Variants in PLD5 observed in about 807,000 individuals in gnomAD.
PLD5 encodes phospholipase D family member 5, also known as inactive phospholipase D5.
A neutral mutation model predicts 61.1 loss-of-function variants in PLD5; 36 were observed. The observed-to-expected ratio is 0.59, with a 90% CI of 0.45 to 0.78. The LOEUF is 0.78. Among genes scored for constraint, PLD5 ranks in the 30% least tolerant of loss-of-function variants. The pLI is 0.00. For missense variants in PLD5, 515 were observed against 644.4 expected (o/e 0.80, Z 2.17); for synonymous variants, 243 against 242.8 (o/e 1.00, Z -0.01).
At chr1:242,210,047 G>A (rs894602401) in intron 5 of PLD5, among the ~76,000 whole-genome samples, 3 of 152,214 alleles carry the variant, frequency 2.0e-5, no homozygotes, top group South Asian at 2.1e-4. Flanking sequence ...TGCCCGCCTC[G>A]GCCTCCCAAA....
chr1:242,423,540 T>C (rs1318835166), intron 1 of PLD5, among the ~76,000 whole-genome samples: 2 of 152,086 alleles, frequency 1.3e-5, no homozygotes, highest in Admixed American at 6.6e-5. Flanking sequence ...ATCTATAAAA[T>C]GGGAATAGCC....
intron 2 of PLD5, among the ~76,000 whole-genome samples, chr1:242,311,527 G>A (rs1164081613): frequency 6.6e-6 from 1 of 152,156 alleles, no homozygotes; most frequent in African/African-American, 2.4e-5. Flanking sequence ...TAATGGGCCT[G>A]GGTTCAAGTC....
intron 1 of PLD5, among the ~76,000 whole-genome samples, chr1:242,433,579 C>T (rs577637146): frequency 9.2e-5 from 14 of 152,264 alleles, no homozygotes; most frequent in South Asian, 2.1e-4. Flanking sequence ...CTATGAGCAA[C>T]GCATTGACCC....
At chr1:242,334,591 C>T (rs1378559394) in intron 2 of PLD5, among the ~76,000 whole-genome samples, 1 of 152,050 alleles carries the variant, frequency 6.6e-6, no homozygotes, top group Non-Finnish European at 1.5e-5. Context: ...CTGACTTGGC[C>T]CTGGGAGCAT....
chr1:242,114,085 T>C, intron 6 of PLD5, 59 bp from the exon 7 acceptor site: 1 of 1,571,502 alleles, frequency 6.4e-7, no homozygotes, highest in Non-Finnish European at 8.7e-7. Flanking sequence ...TGGGGATTTA[T>C]TTATTTCCTT....
intron 5 of PLD5, among the ~76,000 whole-genome samples, chr1:242,157,392 C>T (rs771911117): frequency 1.3e-5 from 2 of 152,134 alleles, no homozygotes; most frequent in African/African-American, 2.4e-5. Flanking sequence ...AGTTTTGCTC[C>T]CTTGCTGTTT....
chr1:242,412,035 A>C (rs1483390971), intron 1 of PLD5, among the ~76,000 whole-genome samples: 1 of 152,240 alleles, frequency 6.6e-6, no homozygotes, highest in Non-Finnish European at 1.5e-5. Context: ...ACCCACAATC[A>C]GGTGAGCATT....
chr1:242,165,375 A>G (rs1212528724), intron 5 of PLD5, among the ~76,000 whole-genome samples: 1 of 151,418 alleles, frequency 6.6e-6, no homozygotes. Context: ...TAGTCTGATA[A>G]CTTTCATTTA....
chr1:242,470,747 A>C (rs1667426225), intron 1 of PLD5, among the ~76,000 whole-genome samples: 1 of 152,246 alleles, frequency 6.6e-6, no homozygotes, highest in Non-Finnish European at 1.5e-5. Context: ...GCATTCTTCT[A>C]CTTTTCAAAT....
chr1:242,270,973 C>A (rs563821704), intron 3 of PLD5, among the ~76,000 whole-genome samples: 1 of 151,908 alleles, frequency 6.6e-6, no homozygotes, highest in African/African-American at 2.4e-5. Context: ...GTGATACAGG[C>A]GATACAGGCT....
intron 7 of PLD5, among the ~76,000 whole-genome samples, chr1:242,109,243 C>G (rs1258421703): frequency 2.0e-5 from 3 of 152,224 alleles, no homozygotes; most frequent in Non-Finnish European, 2.9e-5. Flanking sequence ...CTTTGGAAGG[C>G]CAAGGCGGTG....
chr1:242,191,519 G>A (rs187537663), intron 5 of PLD5, among the ~76,000 whole-genome samples: 1 of 151,518 alleles, frequency 6.6e-6, no homozygotes, highest in Non-Finnish European at 1.5e-5. Context: ...CCAGGACGGG[G>A]AAGTTGCAGT....
At chr1:242,346,026 T>A (rs555304776) in intron 2 of PLD5, among the ~76,000 whole-genome samples, 1 of 26,152 alleles carries the variant, frequency 3.8e-5, no homozygotes, top group Non-Finnish European at 7.1e-5. Context: ...CCCCCCCCCA[T>A]ATATACAACC....
intron 6 of PLD5, among the ~76,000 whole-genome samples, chr1:242,118,445 AC>A (rs1662116542): frequency 6.6e-6 from 1 of 152,244 alleles, no homozygotes. Flanking sequence ...AGCGCATGTT[AC>A]ATGGCATTGC....
At chr1:242,301,054 T>C (rs1484114862) in intron 2 of PLD5, among the ~76,000 whole-genome samples, 1 of 152,130 alleles carries the variant, frequency 6.6e-6, no homozygotes, top group African/African-American at 2.4e-5. Context: ...ATGAATGAGC[T>C]GATTGTGAGA....
At chr1:242,431,316 A>G (rs1182185090) in intron 1 of PLD5, among the ~76,000 whole-genome samples, 1 of 152,266 alleles carries the variant, frequency 6.6e-6, no homozygotes, top group African/African-American at 2.4e-5. Context: ...AAGAACACAG[A>G]TATCTGTTAA....
intron 4 of PLD5, among the ~76,000 whole-genome samples, chr1:242,222,801 G>A (rs781539575): frequency 7.2e-5 from 11 of 152,198 alleles, no homozygotes; most frequent in South Asian, 2.1e-4. Flanking sequence ...GATGATGGTC[G>A]TGTGTAACCC....
chr1:242,282,027 T>A (rs191991327), intron 3 of PLD5, among the ~76,000 whole-genome samples: 25 of 152,352 alleles, frequency 1.6e-4, no homozygotes, highest in African/African-American at 6.0e-4. Context: ...TCCCAATTTC[T>A]AGCACAGTGT....
At chr1:242,301,367 G>T (rs1221953436) in intron 2 of PLD5, among the ~76,000 whole-genome samples, 2 of 152,228 alleles carry the variant, frequency 1.3e-5, no homozygotes, top group Non-Finnish European at 2.9e-5. Context: ...TGGCTTTGAA[G>T]GGGAGCAGAA....
Sources: gnomAD v4.1 joint callset for allele counts (sites outside exome capture counted in the v4.1 genomes callset) on GRCh38, gnomAD v4.1.1 for gene constraint, MANE v1.5 for transcripts, NCBI Gene and HGNC (gene_info 2026-07-23, HGNC 2026-07-21) for gene names.